FANCI: variants seen among roughly 807,000 people sequenced by gnomAD.
FANCI encodes the protein FA complementation group I.
FANCI carries 156 observed loss-of-function variants against 176.1 expected under a neutral mutation model. The observed-to-expected ratio is 0.89, with a 90% CI of 0.78 to 1.01. FANCI has a LOEUF of 1.01. FANCI is among the 50% of genes least tolerant of loss of function. The pLI is 0.00. For missense variants in FANCI, 1,678 were observed against 1,534.1 expected (o/e 1.09, Z -1.57); for synonymous variants, 613 against 541.7 (o/e 1.13, Z -1.83).
intron 26 of FANCI, among the ~76,000 whole-genome samples, chr15:89,301,118 A>G (rs757899357): frequency 1.3e-5 from 2 of 152,252 alleles, no homozygotes; most frequent in Non-Finnish European, 2.9e-5. Context: ...GTCAGTTTTC[A>G]GGAGCATTCT....
rs869076373 is a variant in FANCI at position 89,245,334 on chromosome 15, A to ATTTTTTTTTT, written c.-20+1328_-20+1337dup. 14 of 36,170 alleles carry ATTTTTTTTTT rather than the reference A, an allele frequency of 3.9e-4. 2 individuals carry two copies. Among genetic ancestry groups the ATTTTTTTTTT allele is most frequent in the Admixed American group, 9.2e-4 (2 of 2,174 alleles). 2.2% of individuals were successfully genotyped at this position (36,170 alleles called of 1,614,324 possible). On this transcript the variant is annotated intron_variant, in intron 1 of 37. Transcript: ENST00000310775. The stretch of plus-strand genomic sequence containing the variant: ...CAGGTGCGTGCCGTCACGCCCAGCT[A>ATTTTTTTTTT]TTTTTTTTTTTTTTTTTTTTTTTTT...
chr15:89,279,186 A>G (rs904622807), intron 14 of FANCI, among the ~76,000 whole-genome samples: 1 of 151,584 alleles, frequency 6.6e-6, no homozygotes, highest in Non-Finnish European at 1.5e-5. Flanking sequence ...TTTTTTAGAC[A>G]CAGTTTCACT....
chr15:89,277,696 C>T (rs985073941), intron 13 of FANCI, among the ~76,000 whole-genome samples: 1 of 150,346 alleles, frequency 6.7e-6, no homozygotes, highest in African/African-American at 2.5e-5. Context: ...ATTTTTTTGA[C>T]ATTATTACCA....
At chr15:89,245,375 T>TTTTTTTTTTTTTG in intron 1 of FANCI, 1 of 128,908 alleles carries the variant, frequency 7.8e-6, no homozygotes, top group Non-Finnish European at 1.5e-5. Context: ...TTTTTTGTAT[T>TTTTTTTTTTTTTG]TTTAGTAGAG....
In FANCI at chr15:89,305,218, C is replaced by T. The variant is rs746204528; in HGVS notation, c.3162C>T (p.His1054=). Residue 1054 remains histidine, a synonymous_variant, in exon 29 of 38, where the codon CAC becomes CAT. Coordinates refer to ENST00000310775, the MANE Select transcript of FANCI (RefSeq NM_001113378.2). ...ILLRDLSQDI[H]GHLGDIDQDV... ...TGCGTGACTTGTCCCAGGATATCCA[C>T]GGGCATCTGGGAGATATAGACCAGG... 28 of 1,614,052 alleles carry T rather than the reference C, an allele frequency of 1.7e-5. No homozygotes were observed. The highest frequency in any genetic ancestry group is 2.2e-5 in the East Asian group (1 of 44,898).
intron 18 of FANCI, among the ~76,000 whole-genome samples, chr15:89,286,299 A>T (rs573978467): frequency 3.3e-5 from 5 of 152,276 alleles, no homozygotes; most frequent in South Asian, 4.1e-4. Context: ...GGCCTAACTT[A>T]GTTTTTATAA....
intron 18 of FANCI, among the ~76,000 whole-genome samples, chr15:89,289,430 A>T (rs1002466443): frequency 1.3e-5 from 2 of 151,680 alleles, no homozygotes; most frequent in African/African-American, 4.8e-5. Context: ...TCAGCCTCCC[A>T]AGTAGCTGGG....
chr15:89,294,145 C>G, intron 23 of FANCI, 148 bp downstream of exon 23: 1 of 869,422 alleles, frequency 1.2e-6, no homozygotes, highest in Non-Finnish European at 1.8e-6. Flanking sequence ...CTGGACAATC[C>G]TAGGTAGGTA....
chr15:89,270,584 G>T (rs2053163224), intron 10 of FANCI, among the ~76,000 whole-genome samples: 1 of 150,498 alleles, frequency 6.6e-6, no homozygotes, highest in African/African-American at 2.5e-5. Context: ...AATTTTAATT[G>T]CATCTTTCTT....
rs1596346743 is a variant in FANCI, at chr15:89,316,522, A to G, written c.*63A>G. ...GCTTCATTTTTACCCAACAAGCAACAATGCCCCTTGTCCTGTAGTCCACAC... is the reference window on the plus strand; with the variant it reads ...GCTTCATTTTTACCCAACAAGCAACGATGCCCCTTGTCCTGTAGTCCACAC... On this transcript the variant is annotated 3_prime_UTR_variant, in exon 38 of 38. Coordinates refer to ENST00000310775, the MANE Select transcript of FANCI (RefSeq NM_001113378.2). The G allele has an allele frequency of 1.3e-6, 2 of 1,508,208 alleles. No individual in the cohort carries two copies. Among genetic ancestry groups the G allele is most frequent in the Admixed American group, 3.8e-5 (2 of 52,982 alleles). 93.4% of individuals were successfully genotyped at this position (1,508,208 alleles called of 1,614,324 possible).
At chr15:89,255,249 C>G (rs753792546) in intron 2 of FANCI, among the ~76,000 whole-genome samples, 13 of 152,232 alleles carry the variant, frequency 8.5e-5, no homozygotes, top group Middle Eastern at 3.4e-3. Context: ...TGTCTTGTAT[C>G]CCTGGCATAA....
chr15:89,305,595 T>C lies in FANCI; in HGVS notation c.3256-10T>C, dbSNP rs755637456. The C allele has an allele frequency of 2.5e-6, 4 of 1,613,936 alleles. No homozygotes were observed. Among genetic ancestry groups the C allele is most frequent in the African/African-American group, 2.7e-5 (2 of 74,918 alleles). On this transcript the variant is annotated splice_polypyrimidine_tract_variant and intron_variant, in intron 30 of 37. Coordinates refer to ENST00000310775, the MANE Select transcript of FANCI (RefSeq NM_001113378.2). Reference sequence around the variant, plus strand: ...TGTAGTGAATCACACCAGGCACTCTTTTCTTTCAGTTACTTGTTCTGAGTC... The same window carrying C: ...TGTAGTGAATCACACCAGGCACTCTCTTCTTTCAGTTACTTGTTCTGAGTC...
In FANCI at chr15:89,316,750, G is replaced by A. The variant is rs762441013; in HGVS notation, c.*291G>A. Reference sequence around the variant, plus strand: ...AGCAAATACAGAGCCTCCAGGCAGTGCTATGGTCCAGGCTGGCTTCGTTTT... The same window carrying A: ...AGCAAATACAGAGCCTCCAGGCAGTACTATGGTCCAGGCTGGCTTCGTTTT... On this transcript the variant is annotated 3_prime_UTR_variant, in exon 38 of 38. Transcript: ENST00000310775. 2.5e-6 allele frequency: 4 copies of A among 1,609,532 alleles called. No homozygotes were observed. The highest frequency in any genetic ancestry group is 3.4e-6 in the Non-Finnish European group (4 of 1,175,748).
rs181664709 is a variant in FANCI, at chr15:89,253,082, T to C, written c.84+5351T>C. On this transcript the variant is annotated intron_variant, in intron 2 of 37. Coordinates refer to ENST00000310775, the MANE Select transcript of FANCI (RefSeq NM_001113378.2). ...TTTATAAATAAGAGTGCAGTACTGG[T>C]ACATGAGTAGATAAACAGAAACGGA... Among the ~76,000 whole-genome samples the C allele has an allele frequency of 1.6e-4, 25 of 152,234 alleles. No individual in the cohort carries two copies. The East Asian group carries it at 2.7e-3, about 16-fold the overall frequency.
chr15:89,274,130 A>G, intron 11 of FANCI, 38 bp from the exon 12 acceptor site: 1 of 1,421,088 alleles, frequency 7.0e-7, no homozygotes, highest in Non-Finnish European at 9.6e-7. Flanking sequence ...TCTTTTATTT[A>G]TTTATTTTTT....
intron 24 of FANCI, among the ~76,000 whole-genome samples, chr15:89,298,020 G>A (rs1261002083): frequency 1.3e-5 from 2 of 151,726 alleles, no homozygotes; most frequent in Non-Finnish European, 2.9e-5. Context: ...GGAACTGAAG[G>A]AAAAATAGAC....
chr15:89,275,128 A>G lies in FANCI; in HGVS notation c.1112+824A>G, dbSNP rs141409023. Among the ~76,000 whole-genome samples the G allele has an allele frequency of 2.9e-3, 343 of 116,798 alleles. 6 individuals carry two copies. Among genetic ancestry groups the G allele is most frequent in the East Asian group, 0.017 (71 of 4,156 alleles). 76.6% of individuals were successfully genotyped at this position (116,798 alleles called of 152,430 possible). ...TCTGAAGACGTAGGAACTTTTCACT[A>G]TGTTGCCCAGGCTAGACTTGATCTT... On this transcript the variant is annotated intron_variant, in intron 12 of 37. Transcript: ENST00000310775.
At chr15:89,250,971 G>A (rs2151099169) in intron 2 of FANCI, among the ~76,000 whole-genome samples, 1 of 151,748 alleles carries the variant, frequency 6.6e-6, no homozygotes, top group African/African-American at 2.4e-5. Context: ...AACTACTAAA[G>A]ATAAAAGTGG....
chr15:89,265,475 G>A (rs558035529), intron 9 of FANCI, among the ~76,000 whole-genome samples: 20 of 152,220 alleles, frequency 1.3e-4, no homozygotes, highest in Admixed American at 9.8e-4. Context: ...TCAAAGTGCT[G>A]GGATTACAGA....
Sources: allele counts gnomAD v4.1 joint callset (sites outside exome capture counted in the v4.1 genomes callset), GRCh38; gene constraint gnomAD v4.1.1; transcripts MANE v1.5; gene names NCBI Gene and HGNC (gene_info 2026-07-23, HGNC 2026-07-21).